ARHGAP24: variants seen among roughly 807,000 people sequenced by gnomAD.
The protein encoded by ARHGAP24 is rho GTPase-activating protein 24.
ARHGAP24 carries 50 observed loss-of-function variants against 76.4 expected under a neutral mutation model. That is an observed-to-expected ratio of 0.65 (90% CI 0.52 to 0.83). The LOEUF (loss-of-function observed/expected upper bound fraction) is 0.83, where lower values mean the gene tolerates loss of function less well. ARHGAP24 is among the 40% of genes least tolerant of loss of function. The probability of loss-of-function intolerance (pLI) is 0.00; values close to 1 mark genes in which losing one functional copy is unlikely to be tolerated. For missense variants in ARHGAP24, 930 were observed against 914.2 expected, an observed-to-expected ratio of 1.02 and a Z score of -0.22; for synonymous variants, 345 against 323.3, an observed-to-expected ratio of 1.07 and a Z score of -0.72.
chr4:85,643,976 A>G (rs1258333169), intron 2 of ARHGAP24, among the ~76,000 whole-genome samples: 1 of 152,208 alleles, frequency 6.6e-6, no homozygotes, highest in East Asian at 1.9e-4. Context: ...TGAGTGAAAG[A>G]TGATGCCTTT....
intron 2 of ARHGAP24, among the ~76,000 whole-genome samples, chr4:85,615,611 AT>A (rs1273575762): frequency 6.6e-6 from 1 of 152,144 alleles, no homozygotes; most frequent in Non-Finnish European, 1.5e-5. Context: ...GCTGGATGTT[AT>A]TTTTGGTAAG....
At chr4:85,541,536 T>G (rs991231104) in intron 1 of ARHGAP24, among the ~76,000 whole-genome samples, 1 of 152,224 alleles carries the variant, frequency 6.6e-6, no homozygotes, top group Admixed American at 6.5e-5. Context: ...TTTTTTTGTG[T>G]CTAGCGTCTT....
chr4:85,705,729 G>A (rs1724286101), intron 2 of ARHGAP24, among the ~76,000 whole-genome samples: 2 of 152,270 alleles, frequency 1.3e-5, no homozygotes, highest in South Asian at 4.1e-4. Context: ...TACCTAACAA[G>A]GAGTAAAGTT....
In ARHGAP24 at chr4:85,904,818, A is replaced by C. The variant is rs976150280; in HGVS notation, c.269-18830A>C. On this transcript the variant is annotated intron_variant, in intron 3 of 9. Transcript: ENST00000395184. ...TTTAGGTGGCAATTTATATGAAGCT[A>C]AACTACTAAAAGTGCTCTTGTTCAG... Among the ~76,000 whole-genome samples the C allele has an allele frequency of 4.6e-5, 7 of 152,346 alleles. 1 individual carries two copies. Among genetic ancestry groups the C allele is most frequent in the Admixed American group, 6.5e-5 (1 of 15,292 alleles).
intron 3 of ARHGAP24, among the ~76,000 whole-genome samples, chr4:85,918,371 T>G (rs1198755076): frequency 6.6e-6 from 1 of 151,904 alleles, no homozygotes; most frequent in Non-Finnish European, 1.5e-5. Context: ...AATGAGCATG[T>G]TGGTATCATT....
chr4:85,581,635 A>G (rs1727615070), intron 2 of ARHGAP24, among the ~76,000 whole-genome samples: 1 of 152,144 alleles, frequency 6.6e-6, no homozygotes, highest in Non-Finnish European at 1.5e-5. Flanking sequence ...TAACATTCAT[A>G]ATCTTCTCCA....
intron 2 of ARHGAP24, among the ~76,000 whole-genome samples, chr4:85,686,885 C>A (rs1723443703): frequency 6.6e-6 from 1 of 151,930 alleles, no homozygotes; most frequent in African/African-American, 2.4e-5. Context: ...TAGCTATGGT[C>A]ATTACAAATA....
intron 3 of ARHGAP24, among the ~76,000 whole-genome samples, chr4:85,862,214 G>A (rs780828680): frequency 2.6e-4 from 40 of 151,940 alleles, no homozygotes; most frequent in Non-Finnish European, 4.9e-4. Context: ...TGAATGATTC[G>A]TGAATCAGGC....
intron 3 of ARHGAP24, among the ~76,000 whole-genome samples, chr4:85,853,127 C>A (rs1731333906): frequency 6.6e-6 from 1 of 152,220 alleles, no homozygotes; most frequent in Admixed American, 6.5e-5. Flanking sequence ...GTGGTGGGCT[C>A]TGCCAAGTTC....
At chr4:85,680,348 CAT>C (rs1305647915) in intron 2 of ARHGAP24, among the ~76,000 whole-genome samples, 1 of 152,126 alleles carries the variant, frequency 6.6e-6, no homozygotes, top group Non-Finnish European at 1.5e-5. Context: ...CTACCCAATG[CAT>C]AGTCAACCTT....
chr4:85,499,115 C>A (rs930350060), intron 1 of ARHGAP24, among the ~76,000 whole-genome samples: 1 of 152,044 alleles, frequency 6.6e-6, no homozygotes, highest in Non-Finnish European at 1.5e-5. Context: ...TTCATTAGAC[C>A]TTGCTTAGAA....
chr4:85,871,873 C>T (rs566802903), intron 3 of ARHGAP24, among the ~76,000 whole-genome samples: 6 of 152,164 alleles, frequency 3.9e-5, no homozygotes, highest in South Asian at 2.1e-4. Flanking sequence ...TATTATCTCT[C>T]GAAGACCTCT....
intron 3 of ARHGAP24, among the ~76,000 whole-genome samples, chr4:85,899,002 C>A (rs140228587): frequency 0.016 from 2,388 of 152,222 alleles, 45 homozygotes; most frequent in East Asian, 0.11. Flanking sequence ...CCTCGGCCTG[C>A]CAAAGTGCTG....
At chr4:85,863,009 A>G (rs1731987469) in intron 3 of ARHGAP24, among the ~76,000 whole-genome samples, 1 of 152,122 alleles carries the variant, frequency 6.6e-6, no homozygotes, top group South Asian at 2.1e-4. Context: ...AACATAAATC[A>G]GATCCGGTTC....
chr4:85,708,417 G>A (rs1276730296), intron 2 of ARHGAP24, among the ~76,000 whole-genome samples: 1 of 152,044 alleles, frequency 6.6e-6, no homozygotes, highest in African/African-American at 2.4e-5. Flanking sequence ...AGCCCTCTGT[G>A]TAAGACTCTT....
In ARHGAP24 at chr4:86,000,516, A is replaced by G. The variant is rs1170741212; in HGVS notation, c.2041A>G (p.Met681Val). The G allele has an allele frequency of 1.9e-6, 3 of 1,577,672 alleles. No homozygotes were observed. In the East Asian group the frequency reaches 7.0e-5, roughly 37 times the overall value. ...AAACTTGACTTTGGAAACAGAAATG[A>G]TGAGCCTCCATGATGAACTGGATCA... The part of the protein sequence containing the change: ...QRNLTLETEM[M>V]SLHDELDQER... The change falls in exon 10 of 10, where the codon ATG (methionine) becomes GTG (valine). Residue 681 changes from methionine to valine, a missense_variant. Met to Val is a conservative substitution (Grantham distance 21). Transcript: ENST00000395184.
At chr4:85,949,172 G>C (rs1261883698) in intron 5 of ARHGAP24, among the ~76,000 whole-genome samples, 1 of 151,980 alleles carries the variant, frequency 6.6e-6, no homozygotes, top group Non-Finnish European at 1.5e-5. Context: ...TTTTTCCCCT[G>C]TTCGTCAAGC....
At chr4:85,752,334 T>A (rs13110485) in intron 3 of ARHGAP24, among the ~76,000 whole-genome samples, 5 of 152,014 alleles carry the variant, frequency 3.3e-5, no homozygotes, top group Admixed American at 2.6e-4. Context: ...CCAGGAAGCA[T>A]CCCTTCCCTT....
chr4:85,742,009 A>G (rs1725843879), intron 3 of ARHGAP24, among the ~76,000 whole-genome samples: 1 of 152,178 alleles, frequency 6.6e-6, no homozygotes, highest in African/African-American at 2.4e-5. Flanking sequence ...TCTGTGTTCT[A>G]TTTGCCAGAG....
Sources: gnomAD v4.1 joint callset for allele counts (sites outside exome capture counted in the v4.1 genomes callset) on GRCh38, gnomAD v4.1.1 for gene constraint, MANE v1.5 for transcripts, NCBI Gene and HGNC (gene_info 2026-07-23, HGNC 2026-07-21) for gene names.